The following RSRC1 variants were observed in gnomAD, a reference collection of about 807,000 sequenced individuals.
RSRC1 encodes serine/Arginine-related protein 53.
In RSRC1, 39 loss-of-function variants were observed where a neutral mutation model predicts 49.1. That is an observed-to-expected ratio of 0.79 (90% confidence interval 0.61 to 1.04). The LOEUF (loss-of-function observed/expected upper bound fraction) is 1.04, where lower values mean the gene tolerates loss of function less well. Ranked by LOEUF, RSRC1 falls within the 50% of genes least tolerant of loss-of-function variation. The probability of loss-of-function intolerance (pLI) is 0.00; values close to 1 mark genes in which losing one functional copy is unlikely to be tolerated. For synonymous variants in RSRC1, 143 were observed against 130.8 expected, an observed-to-expected ratio of 1.09 and a Z score of -0.63; for missense variants, 388 against 402.4, an observed-to-expected ratio of 0.96 and a Z score of 0.31.
At chr3:158,421,587 G>C (rs746469490) in intron 6 of RSRC1, among the ~76,000 whole-genome samples, 1 of 151,798 alleles carries the variant, frequency 6.6e-6, no homozygotes, top group Non-Finnish European at 1.5e-5. Context: ...TAAAATTCAG[G>C]ATTAATGGTT....
At chr3:158,262,212 G>A (rs1239840616) in intron 4 of RSRC1, among the ~76,000 whole-genome samples, 1 of 151,956 alleles carries the variant, frequency 6.6e-6, no homozygotes, top group Admixed American at 6.5e-5. Flanking sequence ...CTAATTTAAG[G>A]TCCAAAGATT....
chr3:158,330,900 A>C (rs1729503995), intron 5 of RSRC1, among the ~76,000 whole-genome samples: 1 of 152,138 alleles, frequency 6.6e-6, no homozygotes, highest in African/African-American at 2.4e-5. Flanking sequence ...AAAAAAAAAA[A>C]AAAGGTTTAA....
chr3:158,510,001 G>C (rs1740068470), intron 7 of RSRC1, among the ~76,000 whole-genome samples: 2 of 152,130 alleles, frequency 1.3e-5, no homozygotes, highest in Admixed American at 1.3e-4. Flanking sequence ...CAACCACATA[G>C]TGCCACATTG....
intron 5 of RSRC1, among the ~76,000 whole-genome samples, chr3:158,298,787 A>C (rs150932849): frequency 6.6e-6 from 1 of 152,138 alleles, no homozygotes; most frequent in Non-Finnish European, 1.5e-5. Context: ...GTCAGATCCA[A>C]ATGTTGAATA....
intron 7 of RSRC1, among the ~76,000 whole-genome samples, chr3:158,536,700 G>A (rs919900927): frequency 1.3e-5 from 2 of 151,356 alleles, no homozygotes; most frequent in African/African-American, 4.8e-5. Flanking sequence ...AAAAAATTGA[G>A]GTGGATTTAG....
At chr3:158,262,592 A>G (rs75311706) in intron 4 of RSRC1, among the ~76,000 whole-genome samples, 1,680 of 152,266 alleles carry the variant, frequency 0.011, 42 homozygotes, top group African/African-American at 0.038. Flanking sequence ...TGTCAGTTCT[A>G]TAAAATATCC....
rs148862054 is a variant in RSRC1, at chr3:158,514,053, C to G, written c.653-23039C>G. On this transcript the variant is annotated intron_variant, in intron 7 of 9. Coordinates refer to ENST00000611884, the MANE Select transcript of RSRC1 (RefSeq NM_001271838.2). ...TAGCGGTCTATCAATTTTGTTGATC[C>G]TTTCAGAAAACCAGCTCCTGGATTC... Among the ~76,000 whole-genome samples the G allele has an allele frequency of 2.6e-5, 4 of 152,062 alleles. No homozygotes were observed. The East Asian group carries it at 7.7e-4, about 29-fold the overall frequency.
intron 6 of RSRC1, among the ~76,000 whole-genome samples, chr3:158,406,065 A>G (rs1734148291): frequency 6.6e-6 from 1 of 152,052 alleles, no homozygotes. Context: ...CTTTGTTTGC[A>G]AATTGTTATC....
intron 3 of RSRC1, among the ~76,000 whole-genome samples, chr3:158,134,876 TG>T (rs1173102976): frequency 6.6e-6 from 1 of 152,214 alleles, no homozygotes; most frequent in Non-Finnish European, 1.5e-5. Flanking sequence ...TTTTATGTAC[TG>T]TCTTGTCATC....
At chr3:158,188,260 T>C (rs927493000) in intron 3 of RSRC1, among the ~76,000 whole-genome samples, 1 of 151,986 alleles carries the variant, frequency 6.6e-6, no homozygotes, top group Non-Finnish European at 1.5e-5. Flanking sequence ...GAATTTCACC[T>C]TACATTTATA....
At chr3:158,157,586 G>T (rs1454515993) in intron 3 of RSRC1, among the ~76,000 whole-genome samples, 1 of 152,186 alleles carries the variant, frequency 6.6e-6, no homozygotes, top group Non-Finnish European at 1.5e-5. Context: ...AGACCCCGAG[G>T]TTCTGGCAAG....
chr3:158,237,438 A>G (rs563709544), intron 4 of RSRC1, among the ~76,000 whole-genome samples: 2 of 152,342 alleles, frequency 1.3e-5, no homozygotes, highest in East Asian at 1.9e-4. Flanking sequence ...TTATATTCCC[A>G]TAAGCAATGC....
intron 6 of RSRC1, among the ~76,000 whole-genome samples, chr3:158,405,518 G>T (rs1734119863): frequency 6.6e-6 from 1 of 152,080 alleles, no homozygotes. Context: ...CAGTTTCTCT[G>T]TTAAACAGTT....
intron 5 of RSRC1, among the ~76,000 whole-genome samples, chr3:158,321,564 T>G (rs569274972): frequency 1.3e-5 from 2 of 150,874 alleles, no homozygotes; most frequent in East Asian, 3.9e-4. Context: ...TTTTGTGTTT[T>G]TTTTTTTTTT....
At chr3:158,456,059 C>T (rs927979670) in intron 6 of RSRC1, among the ~76,000 whole-genome samples, 1 of 141,798 alleles carries the variant, frequency 7.1e-6, no homozygotes, top group Admixed American at 7.2e-5. Flanking sequence ...CCTTTTCGTT[C>T]ATTCGTTTAG....
At chr3:158,255,299 C>A (rs983115978) in intron 4 of RSRC1, among the ~76,000 whole-genome samples, 3 of 152,160 alleles carry the variant, frequency 2.0e-5, no homozygotes, top group Non-Finnish European at 4.4e-5. Flanking sequence ...CCAGTTTTCC[C>A]AGCACCATTT....
intron 6 of RSRC1, among the ~76,000 whole-genome samples, chr3:158,427,874 C>CT (rs759689484): frequency 9.9e-5 from 15 of 151,654 alleles, no homozygotes; most frequent in Non-Finnish European, 1.9e-4. Flanking sequence ...TATATTATTG[C>CT]TTTTTTCTAT....
At chr3:158,244,332 G>C (rs183410928) in intron 4 of RSRC1, among the ~76,000 whole-genome samples, 2 of 152,238 alleles carry the variant, frequency 1.3e-5, no homozygotes, top group Non-Finnish European at 2.9e-5. Context: ...CAACATGAAG[G>C]GATGTTGAAT....
intron 6 of RSRC1, among the ~76,000 whole-genome samples, chr3:158,380,655 A>G (rs9809952): frequency 0.52 from 79,298 of 151,810 alleles, 21,098 homozygotes; most frequent in African/African-American, 0.61. Flanking sequence ...TGAGTTTGGT[A>G]TTTTATAAAA....
Sources: gnomAD v4.1 joint callset for allele counts (sites outside exome capture counted in the v4.1 genomes callset) on GRCh38, gnomAD v4.1.1 for gene constraint, MANE v1.5 for transcripts, NCBI Gene and HGNC (gene_info 2026-07-23, HGNC 2026-07-21) for gene names.